Variants in LINGO1 observed in about 807,000 individuals in gnomAD.
LINGO1 encodes leucine rich repeat and Ig domain containing 1.
LINGO1 carries 11 observed loss-of-function variants against 37.3 expected under a neutral mutation model. The observed-to-expected ratio is 0.29, with a 90% CI of 0.19 to 0.49. The LOEUF (loss-of-function observed/expected upper bound fraction) is 0.49. Among genes scored for constraint, LINGO1 ranks in the 20% least tolerant of loss-of-function variants. The pLI, the probability that LINGO1 is intolerant of heterozygous loss-of-function variation, is 0.99. For synonymous variants in LINGO1, 387 were observed against 403.0 expected, an observed-to-expected ratio of 0.96 and a Z score of 0.48; for missense variants, 585 against 878.2, an observed-to-expected ratio of 0.67 and a Z score of 4.22.
At chr15:77,656,686 T>C (rs2074873879) in intron 3 of LINGO1, among the ~76,000 whole-genome samples, 1 of 152,126 alleles carries the variant, frequency 6.6e-6, no homozygotes, top group African/African-American at 2.4e-5. Flanking sequence ...CTCCCCAGGA[T>C]GCAGATATGT....
chr15:77,693,203 G>A (rs1342662407), intron 1 of LINGO1, among the ~76,000 whole-genome samples: 3 of 152,036 alleles, frequency 2.0e-5, no homozygotes, highest in South Asian at 4.2e-4. Flanking sequence ...ATACTTATTC[G>A]GCACTTACTA....
upstream of LINGO1, among the ~76,000 whole-genome samples, chr15:77,698,984 G>A (rs754273234): frequency 5.3e-5 from 8 of 152,142 alleles, no homozygotes; most frequent in East Asian, 1.9e-4. Context: ...CTACGGAGCC[G>A]AGAGAAGGAA....
At chr15:77,740,918 G>C (rs2076257089) in intron 1 of LINGO1, among the ~76,000 whole-genome samples, 1 of 152,242 alleles carries the variant, frequency 6.6e-6, no homozygotes, top group African/African-American at 2.4e-5. Context: ...GTGGCCAAAG[G>C]TGGCAGCAGC....
chr15:77,746,207 CA>C (rs34220013), intron 1 of LINGO1, among the ~76,000 whole-genome samples: 1,221 of 75,596 alleles, frequency 0.016, 7 homozygotes, highest in East Asian at 0.038. Flanking sequence ...GACCCTGTCT[CA>C]AAAAAAAAAA....
chr15:77,767,651 C>T (rs2076543034), intron 1 of LINGO1, among the ~76,000 whole-genome samples: 1 of 152,128 alleles, frequency 6.6e-6, no homozygotes, highest in Admixed American at 6.6e-5. Context: ...AAGAAGGTAA[C>T]ATTGGTAGAG....
At chr15:77,778,221 TC>T (rs950615669) in intron 1 of LINGO1, among the ~76,000 whole-genome samples, 2 of 152,138 alleles carry the variant, frequency 1.3e-5, no homozygotes, top group African/African-American at 2.4e-5. Context: ...GGCCTTCTCC[TC>T]CCTTGCAGTC....
chr15:77,803,050 CT>C (rs1259173770), intron 1 of LINGO1, among the ~76,000 whole-genome samples: 1 of 152,196 alleles, frequency 6.6e-6, no homozygotes, highest in Non-Finnish European at 1.5e-5. Context: ...GCTGTTCCCC[CT>C]GGGGGATGCC....
At position 77,663,614 on chromosome 15, in the gene LINGO1, C is replaced by T. The variant is rs114949029; in HGVS notation, c.-13+13475G>A. 7.7e-3 allele frequency among the ~76,000 whole-genome samples: 1,174 copies of T among 152,334 alleles called. 23 individuals carry two copies. The highest frequency in any genetic ancestry group is 0.027 in the African/African-American group (1,127 of 41,570). On this transcript the variant is annotated intron_variant, in intron 3 of 3. Coordinates refer to the LINGO1 transcript ENST00000559893. Reference sequence around the variant, plus strand: ...CCACCTCTGAGGCATCCTACCCAGACCCCCAGCCCCTGCCCCACTGCCTGA... The same window carrying T: ...CCACCTCTGAGGCATCCTACCCAGATCCCCAGCCCCTGCCCCACTGCCTGA...
intron 1 of LINGO1, among the ~76,000 whole-genome samples, chr15:77,817,722 G>A (rs575256139): frequency 6.6e-5 from 10 of 152,184 alleles, no homozygotes; most frequent in Non-Finnish European, 1.2e-4. Context: ...AGGCCTGGGT[G>A]TCCTCCATGC....
At chr15:77,705,180 C>A (rs879388635) in intron 2 of LINGO1, among the ~76,000 whole-genome samples, 39 of 147,482 alleles carry the variant, frequency 2.6e-4, no homozygotes, top group Non-Finnish European at 4.6e-4. Flanking sequence ...CCATGACACA[C>A]ACACACACAC....
intron 1 of LINGO1, among the ~76,000 whole-genome samples, chr15:77,739,006 C>T (rs2076232932): frequency 6.6e-6 from 1 of 152,256 alleles, no homozygotes; most frequent in Admixed American, 6.5e-5. Flanking sequence ...CAGCAGCGCA[C>T]ACTGCACAGC....
At chr15:77,682,822 C>T (rs903387281) in intron 2 of LINGO1, among the ~76,000 whole-genome samples, 3 of 152,132 alleles carry the variant, frequency 2.0e-5, no homozygotes, top group Non-Finnish European at 2.9e-5. Context: ...TAAAACCCGC[C>T]CAGGAAGCCT....
intron 3 of LINGO1, among the ~76,000 whole-genome samples, chr15:77,657,583 G>A (rs1309291441): frequency 1.3e-5 from 2 of 152,198 alleles, no homozygotes; most frequent in Non-Finnish European, 2.9e-5. Flanking sequence ...CACAGATGGG[G>A]CCCAGAGAGG....
chr15:77,803,916 C>T (rs953259841), intron 1 of LINGO1, among the ~76,000 whole-genome samples: 1 of 152,172 alleles, frequency 6.6e-6, no homozygotes, highest in Non-Finnish European at 1.5e-5. Context: ...CAAGAACAGC[C>T]TAATACACAC....
In LINGO1 at chr15:77,632,746, G is replaced by A. The variant is rs180773286; in HGVS notation, c.-431C>T. On this transcript the variant is annotated 5_prime_UTR_variant, in exon 1 of 2. Coordinates refer to ENST00000355300, the MANE Select transcript of LINGO1 (RefSeq NM_032808.7). The surrounding 1 kb of genome is among the most constrained non-coding windows in gnomAD (Gnocchi z 6.0). ...CGCATGCTGCTCGGCGCCCCGCGTC[G>A]GGAGAGGGGCCGGAGCGGCGCGGGT... Among the ~76,000 whole-genome samples the A allele has an allele frequency of 0.053, 7,761 of 145,902 alleles. 239 individuals are homozygous for A. The highest frequency in any genetic ancestry group is 0.12 in the East Asian group (614 of 4,946).
chr15:77,776,518 A>AGGG (rs2076650217), intron 1 of LINGO1, among the ~76,000 whole-genome samples: 2 of 49,580 alleles, frequency 4.0e-5, no homozygotes, highest in African/African-American at 1.6e-4. Context: ...GGAAGGCAGG[A>AGGG]AGGGAGGAAG....
At chr15:77,621,435 CAG>C (rs1250957888) in intron 1 of LINGO1, among the ~76,000 whole-genome samples, 1 of 152,224 alleles carries the variant, frequency 6.6e-6, no homozygotes, top group Non-Finnish European at 1.5e-5. Context: ...ATGAGAAAAA[CAG>C]AGGCTCTGAA....
chr15:77,729,362 GA>G (rs1454579326), intron 2 of LINGO1, among the ~76,000 whole-genome samples: 2 of 152,248 alleles, frequency 1.3e-5, no homozygotes, highest in African/African-American at 2.4e-5. Context: ...CCTTGAGGAG[GA>G]GGGCAGAGCA....
At chr15:77,748,880 T>TTATTTATC (rs2076341498) in intron 1 of LINGO1, among the ~76,000 whole-genome samples, 2 of 145,040 alleles carry the variant, frequency 1.4e-5, no homozygotes, top group African/African-American at 5.0e-5. Context: ...ATTTATTTAT[T>TTATTTATC]TATTTATTTA....
Sources: gnomAD v4.1 joint callset for allele counts (sites outside exome capture counted in the v4.1 genomes callset) on GRCh38, gnomAD v4.1.1 for gene constraint, Gnocchi (gnomAD v3.1) non-coding constraint, MANE v1.5 for transcripts, NCBI Gene and HGNC (gene_info 2026-07-23, HGNC 2026-07-21) for gene names.